CNTN4: variants seen among roughly 807,000 people sequenced by gnomAD.
CNTN4 encodes contactin-4.
A neutral mutation model predicts 122.5 loss-of-function variants in CNTN4; 77 were observed. The ratio of observed to expected loss-of-function variants is 0.63; its 90% confidence interval spans 0.52 to 0.76. The LOEUF (loss-of-function observed/expected upper bound fraction) is 0.76. Among genes scored for constraint, CNTN4 ranks in the 30% least tolerant of loss-of-function variants. The pLI is 0.00. For missense variants in CNTN4, 1,256 were observed against 1,259.1 expected, an observed-to-expected ratio of 1.00 and a Z score of 0.04; for synonymous variants, 512 against 447.0, an observed-to-expected ratio of 1.15 and a Z score of -1.83.
intron 2 of CNTN4, among the ~76,000 whole-genome samples, chr3:2,120,374 A>AATATATATATATATAT (rs1185851358): frequency 2.0e-4 from 12 of 59,074 alleles, no homozygotes; most frequent in Non-Finnish European, 3.5e-4. Flanking sequence ...TATATATATA[A>AATATATATATATATAT]ATATATATAT....
chr3:2,558,656 T>C (rs2078821371), intron 3 of CNTN4, among the ~76,000 whole-genome samples: 1 of 152,174 alleles, frequency 6.6e-6, no homozygotes, highest in Admixed American at 6.5e-5. Flanking sequence ...ATTAGTGTTT[T>C]CCCACATTAG....
At chr3:2,103,993 AT>A (rs139237970) in intron 2 of CNTN4, among the ~76,000 whole-genome samples, 1,542 of 152,206 alleles carry the variant, frequency 0.01, 30 homozygotes, top group African/African-American at 0.034. Context: ...TTAAAGAGTG[AT>A]TTTTTTCCTC....
chr3:2,961,832 G>C (rs2094863193), intron 13 of CNTN4, among the ~76,000 whole-genome samples: 1 of 152,198 alleles, frequency 6.6e-6, no homozygotes, highest in African/African-American at 2.4e-5. Flanking sequence ...GATAAGCTTT[G>C]AAAAACACTG....
chr3:2,299,539 G>T (rs2042430679), intron 2 of CNTN4, among the ~76,000 whole-genome samples: 2 of 151,970 alleles, frequency 1.3e-5, no homozygotes, highest in African/African-American at 4.8e-5. Flanking sequence ...TATTATTGAA[G>T]ACTTTTCCCT....
chr3:2,210,653 T>C (rs2038574363), intron 2 of CNTN4, among the ~76,000 whole-genome samples: 1 of 152,186 alleles, frequency 6.6e-6, no homozygotes, highest in African/African-American at 2.4e-5. Flanking sequence ...TTCCTGGGAT[T>C]TACAGTCCAA....
intron 23 of CNTN4, among the ~76,000 whole-genome samples, chr3:3,052,077 G>C (rs984981735): frequency 2.0e-4 from 30 of 152,318 alleles, no homozygotes; most frequent in African/African-American, 7.2e-4. Flanking sequence ...GTTCACGCTT[G>C]AATTTGAGAA....
chr3:3,027,900 C>T (rs1698862620), intron 15 of CNTN4, among the ~76,000 whole-genome samples: 1 of 152,188 alleles, frequency 6.6e-6, no homozygotes, highest in Non-Finnish European at 1.5e-5. Flanking sequence ...TAGAGCTGCT[C>T]ACATTCATCT....
At chr3:2,698,982 C>T (rs1169220112) in intron 4 of CNTN4, among the ~76,000 whole-genome samples, 1 of 151,844 alleles carries the variant, frequency 6.6e-6, no homozygotes, top group Non-Finnish European at 1.5e-5. Context: ...GAGATAGTGC[C>T]ATTGCACTCC....
chr3:2,842,859 C>G (rs1027629266), intron 7 of CNTN4, among the ~76,000 whole-genome samples: 4 of 150,122 alleles, frequency 2.7e-5, no homozygotes, highest in African/African-American at 9.8e-5. Context: ...CCATTTTTTT[C>G]TTTTCTGGCT....
At chr3:2,203,357 C>A (rs11929349) in intron 2 of CNTN4, among the ~76,000 whole-genome samples, 5,316 of 152,068 alleles carry the variant, frequency 0.035, 130 homozygotes, top group African/African-American at 0.078. Flanking sequence ...TACAGTTAGA[C>A]CCTGAGAAAT....
intron 14 of CNTN4, among the ~76,000 whole-genome samples, chr3:3,016,386 C>T (rs1697759734): frequency 6.6e-6 from 1 of 152,122 alleles, no homozygotes; most frequent in Admixed American, 6.5e-5. Flanking sequence ...GAAGCTTAGG[C>T]ACCTGCAGAA....
chr3:2,710,580 T>C (rs1458052480), intron 4 of CNTN4, among the ~76,000 whole-genome samples: 1 of 152,216 alleles, frequency 6.6e-6, no homozygotes, highest in Non-Finnish European at 1.5e-5. Flanking sequence ...CAATTGCATT[T>C]TTTTTAATAT....
intron 4 of CNTN4, among the ~76,000 whole-genome samples, chr3:2,643,836 G>A (rs552552755): frequency 6.6e-6 from 1 of 152,240 alleles, no homozygotes; most frequent in East Asian, 1.9e-4. Context: ...TGAGGTCACA[G>A]GCACCCTATA....
chr3:2,792,354 T>G, intron 6 of CNTN4, among the ~76,000 whole-genome samples: 1 of 147,016 alleles, frequency 6.8e-6, no homozygotes, highest in East Asian at 1.9e-4. Flanking sequence ...TATATAATCT[T>G]TATTTCACAG....
In CNTN4 at chr3:2,550,898, A is replaced by G. The variant is rs553580858; in HGVS notation, c.-88-20518A>G. ...TATCTCTCATAAGTGGGAGTTGAAC[A>G]ATGAGAACCCATGGACACAGGGAGG... On this transcript the variant is annotated intron_variant, in intron 3 of 24. Transcript: ENST00000418658. 3.9e-5 allele frequency among the ~76,000 whole-genome samples: 6 copies of G among 152,230 alleles called. No homozygotes were observed. In the East Asian group the frequency reaches 1.2e-3, roughly 29 times the overall value.
chr3:2,291,111 C>T (rs1285116070), intron 2 of CNTN4, among the ~76,000 whole-genome samples: 1 of 152,104 alleles, frequency 6.6e-6, no homozygotes, highest in African/African-American at 2.4e-5. Flanking sequence ...ATCTAGACCC[C>T]ATCACTGCAG....
intron 4 of CNTN4, among the ~76,000 whole-genome samples, chr3:2,573,317 C>T (rs1315894257): frequency 6.6e-6 from 1 of 152,066 alleles, no homozygotes; most frequent in African/African-American, 2.4e-5. Context: ...TCACGTCTTC[C>T]CCGCTGCATG....
intron 3 of CNTN4, among the ~76,000 whole-genome samples, chr3:2,371,638 T>A (rs2150665792): frequency 6.6e-6 from 1 of 152,348 alleles, no homozygotes; most frequent in African/African-American, 2.4e-5. Context: ...ATTTAATTTT[T>A]GTTCCTCCGC....
At chr3:2,665,089 G>A (rs1253468019) in intron 4 of CNTN4, among the ~76,000 whole-genome samples, 4 of 152,058 alleles carry the variant, frequency 2.6e-5, no homozygotes, top group East Asian at 1.9e-4. Context: ...TTATTTTGTC[G>A]TTATCCACAG....
Sources: gnomAD v4.1 joint callset for allele counts (sites outside exome capture counted in the v4.1 genomes callset) on GRCh38, gnomAD v4.1.1 for gene constraint, MANE v1.5 for transcripts, NCBI Gene and HGNC (gene_info 2026-07-23, HGNC 2026-07-21) for gene names.